The following WAPL variants were observed in gnomAD, a reference collection of about 807,000 sequenced individuals.
WAPL encodes wings apart-like protein homolog.
A neutral mutation model predicts 121.0 loss-of-function variants in WAPL; 5 were observed. That is an observed-to-expected ratio of 0.04 (90% confidence interval 0.02 to 0.09). The LOEUF (loss-of-function observed/expected upper bound fraction) is 0.09, where lower values mean the gene tolerates loss of function less well. Ranked by LOEUF, WAPL falls within the 10% of genes least tolerant of loss-of-function variation. WAPL has a pLI of 1.00. For synonymous variants in WAPL, 480 were observed against 481.5 expected (o/e 1.00, Z 0.04); for missense variants, 999 against 1,410.8 (o/e 0.71, Z 4.68).
At chr10:86,479,462 C>G (rs1303699606) in intron 4 of WAPL, among the ~76,000 whole-genome samples, 1 of 152,296 alleles carries the variant, frequency 6.6e-6, no homozygotes, top group East Asian at 1.9e-4. Context: ...CCATGTTGGC[C>G]AGGCTGGTCT....
rs781563392 is a variant in WAPL, at chr10:86,499,861, C to T, written c.1382G>A (p.Ser461Asn). The stretch of plus-strand genomic sequence containing the variant: ...ACAGTCATCATCTTCATCATCTTCG[C>T]TTTCACTGAGATCATCAAAGCCAAA... ...KYFGFDDLSESEDDEDDDCQV... is the reference protein window; with the variant it reads ...KYFGFDDLSENEDDEDDDCQV... The change falls in exon 3 of 19, where the codon AGC becomes AAC. Residue 461 changes from serine to asparagine, a missense_variant. Physicochemically the swap from Ser to Asn is conservative, Grantham distance 46. Transcript: ENST00000298767. 7.4e-6 allele frequency: 12 copies of T among 1,613,874 alleles called. No individual in the cohort carries two copies. The highest frequency in any genetic ancestry group is 5.3e-5 in the African/African-American group (4 of 74,870).
intron 4 of WAPL, among the ~76,000 whole-genome samples, chr10:86,475,066 A>G (rs1227179445): frequency 6.6e-6 from 1 of 152,262 alleles, no homozygotes; most frequent in African/African-American, 2.4e-5. Context: ...CTCACACATC[A>G]ATTGAGGTTA....
intron 17 of WAPL, among the ~76,000 whole-genome samples, chr10:86,442,751 T>C (rs971817618): frequency 6.6e-6 from 1 of 152,116 alleles, no homozygotes; most frequent in Non-Finnish European, 1.5e-5. Flanking sequence ...ATAAAACTAC[T>C]GGAAATGGCC....
chr10:86,457,074 C>G (rs1841165628), intron 12 of WAPL, among the ~76,000 whole-genome samples: 1 of 152,034 alleles, frequency 6.6e-6, no homozygotes, highest in Non-Finnish European at 1.5e-5. Context: ...AAATCAGAAA[C>G]AACATACACA....
intron 2 of WAPL, among the ~76,000 whole-genome samples, chr10:86,517,360 A>G (rs753979819): frequency 6.6e-6 from 1 of 152,220 alleles, no homozygotes; most frequent in Non-Finnish European, 1.5e-5. Context: ...ACCCTGCGCA[A>G]CAGTCTATAA....
chr10:86,461,315 T>C (rs748492290), intron 9 of WAPL, 28 bp from the exon 10 acceptor site: 9 of 1,549,442 alleles, frequency 5.8e-6, no homozygotes, highest in Non-Finnish European at 7.1e-6. Context: ...CATTAATGAA[T>C]ATCAACTTTT....
At chr10:86,510,753 T>A (rs1453867974) in intron 2 of WAPL, among the ~76,000 whole-genome samples, 2 of 152,354 alleles carry the variant, frequency 1.3e-5, no homozygotes, top group Non-Finnish European at 2.9e-5. Context: ...TATACACATA[T>A]GAAAATAAGT....
Position 86,521,457 on chromosome 10 carries a change from G to T in WAPL, c.-115C>A. The T allele has an allele frequency of 3.1e-6, 1 of 319,154 alleles. No homozygotes were observed. 19.8% of individuals were successfully genotyped at this position (319,154 alleles called of 1,614,324 possible). ...GCGGGCGCGGAACCCTCGCGCGGGA[G>T]AGCAGGGCCGGCAGGTGAGAGCCGA... On this transcript the variant is annotated 5_prime_UTR_variant, in exon 1 of 19. Coordinates refer to ENST00000298767, the MANE Select transcript of WAPL (RefSeq NM_015045.5).
intron 4 of WAPL, among the ~76,000 whole-genome samples, chr10:86,485,938 T>C (rs998270621): frequency 6.6e-6 from 1 of 152,158 alleles, no homozygotes; most frequent in African/African-American, 2.4e-5. Flanking sequence ...CTCCCTCTCT[T>C]CCATACCTAG....
chr10:86,520,037 T>C (rs972334748), intron 1 of WAPL, among the ~76,000 whole-genome samples: 1 of 152,240 alleles, frequency 6.6e-6, no homozygotes, highest in Admixed American at 6.5e-5. Context: ...AGGTCACGCC[T>C]GTAATTCCAG....
chr10:86,443,502 AT>A, intron 16 of WAPL, 139 bp from the exon 17 acceptor site: 1 of 509,210 alleles, frequency 2.0e-6, no homozygotes, highest in Non-Finnish European at 3.3e-6. Context: ...ATATCCACAG[AT>A]TAACAAAAAT....
intron 9 of WAPL, among the ~76,000 whole-genome samples, chr10:86,464,602 C>T (rs1841357156): frequency 6.6e-6 from 1 of 152,044 alleles, no homozygotes; most frequent in African/African-American, 2.4e-5. Context: ...CCAGGAAGGC[C>T]GAGGAGGACA....
intron 12 of WAPL, among the ~76,000 whole-genome samples, chr10:86,455,974 G>A (rs12244497): frequency 0.019 from 2,860 of 152,182 alleles, 96 homozygotes; most frequent in African/African-American, 0.064. Flanking sequence ...AGTCTTTTTC[G>A]CAAGAGAAAT....
At chr10:86,480,880 T>C (rs1210323869) in intron 4 of WAPL, among the ~76,000 whole-genome samples, 1 of 152,154 alleles carries the variant, frequency 6.6e-6, no homozygotes, top group East Asian at 1.9e-4. Context: ...CCAGAAATGG[T>C]AGAATACCAC....
chr10:86,443,323 C>A lies in WAPL; in HGVS notation c.3363G>T (p.Val1121=). Reference sequence around the variant, plus strand: ...CAAGAAGTAGTGCTGTGTAGGAGGCCACAATGCAATCCTCCATGTGTTTGC... The same window carrying A: ...CAAGAAGTAGTGCTGTGTAGGAGGCAACAATGCAATCCTCCATGTGTTTGC... ...HAGKHMEDCI[V]ASYTALLLGC... The change falls in exon 17 of 19, where the codon GTG becomes GTT. Residue 1121 remains valine (V), a synonymous_variant. Coordinates refer to ENST00000298767, the MANE Select transcript of WAPL (RefSeq NM_015045.5). 6.2e-7 allele frequency: 1 copy of A among 1,614,008 alleles called. No homozygotes were observed. Among genetic ancestry groups the A allele is most frequent in the Non-Finnish European group, 8.5e-7 (1 of 1,179,960 alleles).
chr10:86,511,190 T>A (rs1309465214), intron 2 of WAPL, among the ~76,000 whole-genome samples: 1 of 152,078 alleles, frequency 6.6e-6, no homozygotes, highest in African/African-American at 2.4e-5. Flanking sequence ...TCCCAGCCTC[T>A]CAGAAGGCTG....
At chr10:86,483,416 C>T (rs1841840851) in intron 4 of WAPL, among the ~76,000 whole-genome samples, 1 of 148,386 alleles carries the variant, frequency 6.7e-6, no homozygotes, top group African/African-American at 2.5e-5. Flanking sequence ...GCAAAAACTC[C>T]ATCTCAAAAA....
At chr10:86,460,193 C>T (rs1177263763) in intron 11 of WAPL, among the ~76,000 whole-genome samples, 1 of 152,110 alleles carries the variant, frequency 6.6e-6, no homozygotes, top group Non-Finnish European at 1.5e-5. Flanking sequence ...TCATTTGCAG[C>T]AATAATACAT....
chr10:86,441,224 G>A (rs1004805615), intron 17 of WAPL, among the ~76,000 whole-genome samples: 1 of 152,138 alleles, frequency 6.6e-6, no homozygotes, highest in African/African-American at 2.4e-5. Context: ...ATCTGAAAGA[G>A]AACACTCACA....
Sources: gnomAD v4.1 joint callset for allele counts (sites outside exome capture counted in the v4.1 genomes callset) on GRCh38, gnomAD v4.1.1 for gene constraint, MANE v1.5 for transcripts, NCBI Gene and HGNC (gene_info 2026-07-23, HGNC 2026-07-21) for gene names.